The following LCORL variants were observed in gnomAD, a reference collection of about 807,000 sequenced individuals.
LCORL encodes ligand dependent nuclear receptor corepressor like, also known as ligand-dependent nuclear receptor corepressor-like protein.
LCORL carries 41 observed loss-of-function variants against 141.8 expected under a neutral mutation model. The observed-to-expected ratio is 0.29, with a 90% CI of 0.23 to 0.38. LCORL has a LOEUF of 0.38. Ranked by LOEUF, LCORL falls within the 10% of genes least tolerant of loss-of-function variation. The pLI is 1.00. For synonymous variants in LCORL, 618 were observed against 694.1 expected (o/e 0.89, Z 1.72); for missense variants, 1,759 against 2,035.0 (o/e 0.86, Z 2.61).
chr4:17,932,149 A>G (rs541466841), intron 4 of LCORL, among the ~76,000 whole-genome samples: 1 of 152,188 alleles, frequency 6.6e-6, no homozygotes, highest in Admixed American at 6.5e-5. Context: ...AGTCTTTTAA[A>G]ATCATTTTAT....
At chr4:18,013,694 C>T (rs1173038222) in intron 1 of LCORL, among the ~76,000 whole-genome samples, 2 of 152,164 alleles carry the variant, frequency 1.3e-5, no homozygotes, top group South Asian at 2.1e-4. Context: ...GACAAAATTA[C>T]GTCCTATGTG....
chr4:18,006,246 C>G lies in LCORL; in HGVS notation c.154+15352G>C, dbSNP rs147954677. The stretch of plus-strand genomic sequence containing the variant: ...GAGTCACCTTTGCTCCAGTTCCCAA[C>G]AAGTTCTTCATCCCCATCTGATACC... On this transcript the variant is annotated intron_variant, in intron 1 of 7. Transcript: ENST00000635767. 3.3e-3 allele frequency among the ~76,000 whole-genome samples: 499 copies of G among 152,242 alleles called. 7 individuals carry two copies. Among genetic ancestry groups the G allele is most frequent in the Admixed American group, 0.025 (375 of 15,292 alleles).
At chr4:18,000,291 A>C (rs1372277545) in intron 1 of LCORL, among the ~76,000 whole-genome samples, 1 of 152,194 alleles carries the variant, frequency 6.6e-6, no homozygotes, top group Non-Finnish European at 1.5e-5. Flanking sequence ...TGAGAAAAAA[A>C]CAAGCAATTA....
chr4:17,924,041 T>C (rs1215895244), intron 4 of LCORL, among the ~76,000 whole-genome samples: 2 of 151,912 alleles, frequency 1.3e-5, no homozygotes, highest in Non-Finnish European at 2.9e-5. Flanking sequence ...CGTGTGATTA[T>C]ATACCGATTC....
chr4:17,874,050 T>G (rs1337617902), exon 7 of LCORL: 4 of 1,234,104 alleles, frequency 3.2e-6, no homozygotes, highest in Non-Finnish European at 4.0e-6. Context: ...GAGTGGGATG[T>G]CAGCATTTGT....
chr4:17,887,912 G>A (rs866021128), intron 5 of LCORL, among the ~76,000 whole-genome samples: 3 of 151,874 alleles, frequency 2.0e-5, no homozygotes, highest in Admixed American at 6.6e-5. Context: ...CCTGACCCCC[G>A]CCTCACCCCG....
At chr4:17,877,190 A>G in exon 7 of LCORL, 1 of 1,230,422 alleles carries the variant, frequency 8.1e-7, no homozygotes, top group Non-Finnish European at 1.0e-6. Flanking sequence ...ATCTTGTCTG[A>G]ATAATTTTAT....
rs79006888 is a variant in LCORL at position 17,928,217 on chromosome 4, G to C, written c.431-18872C>G. Among the ~76,000 whole-genome samples the C allele has an allele frequency of 4.8e-3, 733 of 152,158 alleles. 3 individuals are homozygous for C. Among genetic ancestry groups the C allele is most frequent in the African/African-American group, 0.017 (694 of 41,486 alleles). The stretch of plus-strand genomic sequence containing the variant: ...AGCCCAGGAGTTTGAGATCAGCCTG[G>C]GCAGTATGGTAAAACACCGTCTCTA... On this transcript the variant is annotated intron_variant, in intron 4 of 7. Coordinates refer to ENST00000635767, the Ensembl canonical transcript of LCORL.
chr4:17,906,488 A>G (rs1731638545), intron 5 of LCORL, among the ~76,000 whole-genome samples: 1 of 145,664 alleles, frequency 6.9e-6, no homozygotes, highest in Admixed American at 6.7e-5. Context: ...AAAATTATCA[A>G]GAAGACTAGT....
chr4:17,923,208 T>C (rs138833963), intron 4 of LCORL, among the ~76,000 whole-genome samples: 2 of 152,178 alleles, frequency 1.3e-5, no homozygotes, highest in African/African-American at 4.8e-5. Flanking sequence ...TGTGAGATAA[T>C]GGTGGAAGAA....
At chr4:17,991,867 A>C (rs552002872) in intron 1 of LCORL, among the ~76,000 whole-genome samples, 1 of 149,776 alleles carries the variant, frequency 6.7e-6, no homozygotes, top group East Asian at 2.0e-4. Flanking sequence ...ACTTTGCTCA[A>C]TCTAATCTCT....
intron 2 of LCORL, among the ~76,000 whole-genome samples, chr4:17,967,076 A>G (rs540453856): frequency 4.6e-5 from 7 of 152,292 alleles, no homozygotes; most frequent in African/African-American, 9.6e-5. Context: ...ATACAACGCA[A>G]TATTATTCAT....
Position 17,959,561 on chromosome 4 carries a change from CATT to C in LCORL, c.430+2339_430+2341del, listed in dbSNP as rs563411886. On this transcript the variant is annotated intron_variant, in intron 4 of 7. Coordinates refer to ENST00000635767, the Ensembl canonical transcript of LCORL. ...CACAACTGATGATATCAATCATCAT[CATT>C]ATCCCAGGTAGTGATATTCTCAATA... 9.2e-5 allele frequency among the ~76,000 whole-genome samples: 14 copies of C among 152,146 alleles called. No individual in the cohort carries two copies. In the South Asian group the frequency reaches 2.9e-3, roughly 32 times the overall value.
chr4:17,970,488 G>A (rs1275456877), intron 2 of LCORL, among the ~76,000 whole-genome samples: 1 of 152,126 alleles, frequency 6.6e-6, no homozygotes. Flanking sequence ...AATACACAAG[G>A]TAGTATTTCT....
chr4:17,863,065 C>T (rs1353760068), intron 7 of LCORL, among the ~76,000 whole-genome samples: 1 of 152,286 alleles, frequency 6.6e-6, no homozygotes, highest in East Asian at 1.9e-4. Context: ...CCTGTAATCC[C>T]AGCACTTTGG....
chr4:17,999,001 TATACACAC>T (rs1441804184), intron 1 of LCORL, among the ~76,000 whole-genome samples: 32 of 62,954 alleles, frequency 5.1e-4, no homozygotes, highest in African/African-American at 1.4e-3. Flanking sequence ...TATATATATA[TATACACAC>T]ATATATATAT....
intron 7 of LCORL, among the ~76,000 whole-genome samples, chr4:17,854,934 A>G (rs917265643): frequency 1.4e-4 from 22 of 152,122 alleles, no homozygotes; most frequent in Admixed American, 6.5e-5. Flanking sequence ...ATTTATATTA[A>G]CTTTGTTTTG....
At chr4:17,870,310 C>T (rs953117170) in intron 7 of LCORL, among the ~76,000 whole-genome samples, 2 of 152,118 alleles carry the variant, frequency 1.3e-5, no homozygotes, top group Non-Finnish European at 2.9e-5. Context: ...CGCTATGTTG[C>T]CCAGGCTGCT....
intron 6 of LCORL, chr4:17,882,949 A>G: frequency 1.1e-6 from 1 of 904,928 alleles, no homozygotes; most frequent in African/African-American, 1.8e-5. Context: ...TTTAATAATT[A>G]AATTTAAATT....
Sources: allele counts gnomAD v4.1 joint callset (sites outside exome capture counted in the v4.1 genomes callset), GRCh38; gene constraint gnomAD v4.1.1; transcripts MANE v1.5; gene names NCBI Gene and HGNC (gene_info 2026-07-23, HGNC 2026-07-21).